ZNF585B: variants seen among roughly 807,000 people sequenced by gnomAD.
The protein encoded by ZNF585B is zinc finger protein 585B, also known as zinc finger protein 41-like protein.
In ZNF585B, 7 loss-of-function variants were observed where a neutral mutation model predicts 14.0. The observed-to-expected ratio is 0.50, with a 90% CI of 0.28 to 0.94. The LOEUF is 0.94. Among genes scored for constraint, ZNF585B ranks in the 40% least tolerant of loss-of-function variants. ZNF585B has a pLI of 0.09. For missense variants in ZNF585B, 750 were observed against 924.4 expected, an observed-to-expected ratio of 0.81 and a Z score of 2.45; for synonymous variants, 290 against 317.3, an observed-to-expected ratio of 0.91 and a Z score of 0.91.
intron 2 of ZNF585B, among the ~76,000 whole-genome samples, chr19:37,191,952 C>A (rs1240601526): frequency 6.6e-6 from 1 of 152,092 alleles, no homozygotes; most frequent in Non-Finnish European, 1.5e-5. Flanking sequence ...ATCGCTTGAA[C>A]CTGGGAGGCG....
chr19:37,196,475 C>T (rs1972466384), intron 2 of ZNF585B, among the ~76,000 whole-genome samples: 1 of 152,172 alleles, frequency 6.6e-6, no homozygotes, highest in Admixed American at 6.5e-5. Flanking sequence ...AATTACAGTT[C>T]ACCTTTGAAC....
At chr19:37,193,543 C>T (rs1972427631) in intron 2 of ZNF585B, among the ~76,000 whole-genome samples, 1 of 151,492 alleles carries the variant, frequency 6.6e-6, no homozygotes. Flanking sequence ...TTTGGGAGGC[C>T]GAAGTGGGTG....
chr19:37,186,161 A>G lies in ZNF585B; in HGVS notation c.1376T>C (p.Ile459Thr). ...SKSQLHVHKR[I>T]HTGEKPYVCN... The stretch of plus-strand genomic sequence containing the variant: ...TACATAGGGCTTTTCTCCTGTGTGA[A>G]TTCGTTTATGAACATGGAGTTGTGA... The change falls in exon 5 of 5, where the codon ATT becomes ACT. Residue 459 changes from isoleucine to threonine, a missense_variant. Physicochemically the swap from Ile to Thr is moderately conservative, Grantham distance 89. This residue lies in a region of ZNF585B where 517 missense variants were observed against 570.3 expected (regional missense o/e 0.91). Coordinates refer to ENST00000532828, the MANE Select transcript of ZNF585B (RefSeq NM_152279.4). 1 of 1,614,198 alleles carries G rather than the reference A, an allele frequency of 6.2e-7. No homozygotes were observed.
chr19:37,188,186 C>T (rs1972359869), intron 4 of ZNF585B, among the ~76,000 whole-genome samples: 1 of 152,086 alleles, frequency 6.6e-6, no homozygotes, highest in Admixed American at 6.6e-5. Flanking sequence ...AAAAATAAAG[C>T]AATGACAAAA....
At chr19:37,188,667 TCAAA>T (rs111426515) in intron 4 of ZNF585B, among the ~76,000 whole-genome samples, 10 of 150,234 alleles carry the variant, frequency 6.7e-5, no homozygotes, top group East Asian at 2.0e-4. Flanking sequence ...AGACTCCCTC[TCAAA>T]CAAACAAACA....
chr19:37,190,438 G>A, intron 2 of ZNF585B: 1 of 249,664 alleles, frequency 4.0e-6, no homozygotes, highest in East Asian at 9.0e-5. Context: ...TAGAGACGGG[G>A]TTTCACCATG....
At chr19:37,205,287 A>G (rs1235288402) in intron 2 of ZNF585B, among the ~76,000 whole-genome samples, 8 of 152,168 alleles carry the variant, frequency 5.3e-5, no homozygotes, top group Admixed American at 5.2e-4. Context: ...ACTCAATCCT[A>G]AAACTGCCCA....
chr19:37,190,338 C>T (rs1420913393), intron 2 of ZNF585B, 188 bp from the exon 3 acceptor site: 19 of 656,120 alleles, frequency 2.9e-5, no homozygotes, highest in Admixed American at 1.4e-4. Flanking sequence ...CTCCACCTCC[C>T]GGGTTCAAGT....
intron 2 of ZNF585B, among the ~76,000 whole-genome samples, chr19:37,200,673 T>C (rs1234647806): frequency 6.6e-6 from 1 of 150,914 alleles, no homozygotes. Flanking sequence ...AATTAAAAAA[T>C]CCTTGAAGTG....
At chr19:37,206,264 CAACACGGAGA>C (rs1161104357) in intron 2 of ZNF585B, among the ~76,000 whole-genome samples, 1 of 151,750 alleles carries the variant, frequency 6.6e-6, no homozygotes, top group Admixed American at 6.6e-5. Flanking sequence ...TCAGCCTGAT[CAACACGGAGA>C]AACCCCGTCT....
intron 2 of ZNF585B, among the ~76,000 whole-genome samples, chr19:37,197,224 TAC>T (rs1325528856): frequency 6.7e-6 from 1 of 148,600 alleles, no homozygotes; most frequent in Non-Finnish European, 1.5e-5. Context: ...AGTGAGAACA[TAC>T]AGTGTTTGGT....
In ZNF585B at chr19:37,182,553, A is replaced by G. The variant is rs1972276260; in HGVS notation, c.*2674T>C. ...ACATTGGTCTAAGATGTTGAGCAGC[A>G]TGTGATGGGCCATCAGATACTGTGA... On this transcript the variant is annotated 3_prime_UTR_variant, in exon 5 of 5. Coordinates refer to ENST00000532828, the MANE Select transcript of ZNF585B (RefSeq NM_152279.4). 6.6e-6 allele frequency: 1 copy of G among 152,292 alleles called. No individual in the cohort carries two copies. Among genetic ancestry groups the G allele is most frequent in the African/African-American group, 2.4e-5 (1 of 41,454 alleles). The allele number at this position is 152,292 out of a possible 1,614,324, so 9.4% of individuals were successfully genotyped here.
chr19:37,195,099 C>T (rs1365527205), intron 2 of ZNF585B, among the ~76,000 whole-genome samples: 1 of 151,936 alleles, frequency 6.6e-6, no homozygotes, highest in African/African-American at 2.4e-5. Context: ...AATCCCAGCA[C>T]TTTGGGGGGC....
chr19:37,202,005 T>C (rs1972535650), intron 2 of ZNF585B, among the ~76,000 whole-genome samples: 1 of 152,122 alleles, frequency 6.6e-6, no homozygotes, highest in Admixed American at 6.6e-5. Flanking sequence ...ACTATTAGTC[T>C]ACTGTTTTCA....
intron 4 of ZNF585B, among the ~76,000 whole-genome samples, chr19:37,188,458 C>T (rs772732660): frequency 6.6e-6 from 1 of 151,988 alleles, no homozygotes; most frequent in Non-Finnish European, 1.5e-5. Flanking sequence ...TGCACTCCAG[C>T]CTGGGCAACA....
rs117071886 is a variant in ZNF585B at position 37,191,799 on chromosome 19, C to T, written c.73-1649G>A. Among the ~76,000 whole-genome samples, 968 of 152,050 alleles carry T rather than the reference C, an allele frequency of 6.4e-3. 28 individuals carry two copies. Among genetic ancestry groups the T allele is most frequent in the East Asian group, 0.053 (274 of 5,154 alleles). On this transcript the variant is annotated intron_variant, in intron 2 of 4. Coordinates refer to ENST00000532828, the MANE Select transcript of ZNF585B (RefSeq NM_152279.4). ...CTGTAATCCCATCACTTTGGGACGC[C>T]GAGGTAGGTGGATCACGAGGTCAGA...
chr19:37,207,489 G>A (rs960970052), intron 1 of ZNF585B, among the ~76,000 whole-genome samples: 1 of 152,190 alleles, frequency 6.6e-6, no homozygotes, highest in African/African-American at 2.4e-5. Flanking sequence ...CCCAGGAAAT[G>A]CTGATGCTGC....
At chr19:37,197,097 A>G (rs1972474455) in intron 2 of ZNF585B, among the ~76,000 whole-genome samples, 1 of 152,162 alleles carries the variant, frequency 6.6e-6, no homozygotes, top group Non-Finnish European at 1.5e-5. Flanking sequence ...CATCATTTAC[A>G]TTAGGTATTT....
In ZNF585B at chr19:37,184,901, A is replaced by G. The variant is rs397832539; in HGVS notation, c.*326T>C. The G allele has an allele frequency of 4.6e-5, 21 of 452,534 alleles. No individual in the cohort carries two copies. In the East Asian group the frequency reaches 5.7e-4, roughly 12 times the overall value. The allele number at this position is 452,534 out of a possible 1,614,324, so 28.0% of individuals were successfully genotyped here. A position where few individuals can be genotyped will look rare whatever the true frequency, so the allele number is the denominator to read the frequency against. On this transcript the variant is annotated 3_prime_UTR_variant, in exon 5 of 5. Coordinates refer to ENST00000532828, the MANE Select transcript of ZNF585B (RefSeq NM_152279.4). ...CTAATCCACAGTAAACAGGATTATC[A>G]TTCCCATAATATGATCTTTCTTATG...
Sources: gnomAD v4.1 joint callset for allele counts (sites outside exome capture counted in the v4.1 genomes callset) on GRCh38, gnomAD v4.1.1 for gene constraint, gnomAD v4.1.1 regional missense constraint, MANE v1.5 for transcripts, NCBI Gene and HGNC (gene_info 2026-07-23, HGNC 2026-07-21) for gene names.